PLD5: variants seen among roughly 807,000 people sequenced by gnomAD.
PLD5 encodes phospholipase D family member 5.
PLD5 carries 36 observed loss-of-function variants against 61.1 expected under a neutral mutation model. The ratio of observed to expected loss-of-function variants is 0.59; its 90% CI spans 0.45 to 0.78. PLD5 has a LOEUF of 0.78. PLD5 is among the 30% of genes least tolerant of loss of function. The pLI is 0.00. For synonymous variants in PLD5, 243 were observed against 242.8 expected, an observed-to-expected ratio of 1.00 and a Z score of -0.01; for missense variants, 515 against 644.4, an observed-to-expected ratio of 0.80 and a Z score of 2.17.
rs753674875 is a variant in PLD5, at chr1:242,268,231, G to A, written c.496-2783C>T. Among the ~76,000 whole-genome samples, 8 of 152,172 alleles carry A rather than the reference G, an allele frequency of 5.3e-5. No homozygotes were observed. In the South Asian group the frequency reaches 6.2e-4, roughly 12 times the overall value. ...GATGTGTGCATGGCCCAGATTTCCCGAACCTAAACTCGTGGTCATCTCACG... is the reference window on the plus strand; with the variant it reads ...GATGTGTGCATGGCCCAGATTTCCCAAACCTAAACTCGTGGTCATCTCACG... On this transcript the variant is annotated intron_variant, in intron 3 of 9. Coordinates refer to ENST00000536534, the MANE Select transcript of PLD5 (RefSeq NM_001372062.1).
rs775418227 is a variant in PLD5, at chr1:242,348,123, A to T, written c.309T>A (p.Asn103Lys). Residue 103 changes from asparagine to lysine, a missense_variant, in exon 2 of 10, where the codon AAT becomes AAA. This residue lies in a region of PLD5 where 450 missense variants were observed against 598.1 expected (regional missense o/e 0.75). Coordinates refer to ENST00000536534, the MANE Select transcript of PLD5 (RefSeq NM_001372062.1). ...CCTCTTACCGACATTTATTTTGGCA[A>T]TTTTTTTCTGAGAGTCCATCCTCAT... ...GEDEDGLSEKNCQNKCRIALV... is the reference protein window; with the variant it reads ...GEDEDGLSEKKCQNKCRIALV... The T allele has an allele frequency of 6.2e-7, 1 of 1,612,866 alleles. No individual in the cohort carries two copies. The highest frequency in any genetic ancestry group is 1.1e-5 in the South Asian group (1 of 90,834).
Position 242,105,235 on chromosome 1 carries a change from T to TC in PLD5, c.1239+2435dup, listed in dbSNP as rs397758430. 4.0e-5 allele frequency among the ~76,000 whole-genome samples: 6 copies of TC among 151,558 alleles called. No homozygotes were observed. In the South Asian group the frequency reaches 1.3e-3, roughly 32 times the overall value. ...TACTGTGTGTTGGTTTTTTTTTTTT[T>TC]CCTTCAGAGACAGGGTCTTGCTCTG... On this transcript the variant is annotated intron_variant, in intron 8 of 9. Transcript: ENST00000536534.
intron 5 of PLD5, chr1:242,178,048 C>T (rs1286727452): frequency 1.3e-5 from 2 of 152,204 alleles, no homozygotes; most frequent in Admixed American, 6.5e-5. Context: ...GATAAAATGG[C>T]TTAATTGATA....
At chr1:242,194,451 G>A (rs186406352) in intron 5 of PLD5, among the ~76,000 whole-genome samples, 67 of 152,196 alleles carry the variant, frequency 4.4e-4, no homozygotes, top group South Asian at 3.3e-3. Context: ...GTCACTGTAC[G>A]AAAAAGATAC....
rs373972481 is a variant in PLD5 at position 242,093,340 on chromosome 1, CA to C, written c.1355-3231del. Among the ~76,000 whole-genome samples the C allele has an allele frequency of 2.0e-5, 3 of 152,284 alleles. No individual in the cohort carries two copies. In the East Asian group the frequency reaches 5.8e-4, roughly 29 times the overall value. On this transcript the variant is annotated intron_variant, in intron 9 of 9. Transcript: ENST00000536534. ...CAGTATCTTCTATTCATTCCGTAAG[CA>C]AAAGGCTCCTGTGGTCTTGCATGCC...
intron 1 of PLD5, among the ~76,000 whole-genome samples, chr1:242,383,617 A>C (rs1662429417): frequency 6.6e-6 from 1 of 151,982 alleles, no homozygotes; most frequent in South Asian, 2.1e-4. Context: ...TGGCTGTGTC[A>C]GTTTTTATAA....
chr1:242,409,221 A>C (rs1192191482), intron 1 of PLD5, among the ~76,000 whole-genome samples: 1 of 152,146 alleles, frequency 6.6e-6, no homozygotes, highest in African/African-American at 2.4e-5. Context: ...CTGTTTCTTC[A>C]TCTTTTAAAA....
At chr1:242,305,195 A>G (rs1676278522) in intron 2 of PLD5, among the ~76,000 whole-genome samples, 1 of 152,220 alleles carries the variant, frequency 6.6e-6, no homozygotes, top group African/African-American at 2.4e-5. Context: ...AAATCATTAC[A>G]TGCATAGGTT....
intron 4 of PLD5, among the ~76,000 whole-genome samples, chr1:242,253,827 C>CA (rs998904075): frequency 2.6e-5 from 4 of 152,090 alleles, no homozygotes; most frequent in Non-Finnish European, 4.4e-5. Flanking sequence ...TGTTTTAGAG[C>CA]AAATGTTTAG....
chr1:242,166,378 C>G (rs928518373), intron 5 of PLD5, among the ~76,000 whole-genome samples: 1 of 152,346 alleles, frequency 6.6e-6, no homozygotes, highest in Non-Finnish European at 1.5e-5. Flanking sequence ...CTGTTTAGGA[C>G]AGGGTGGCTA....
intron 6 of PLD5, among the ~76,000 whole-genome samples, chr1:242,120,786 C>T (rs144250143): frequency 5.4e-4 from 82 of 152,316 alleles, no homozygotes; most frequent in African/African-American, 1.9e-3. Context: ...AAGACAGAAA[C>T]AGCCAACTAT....
In PLD5 at chr1:242,516,435, A is replaced by AT. The variant is rs1437473611; in HGVS notation, c.189+7652dup. Among the ~76,000 whole-genome samples the AT allele has an allele frequency of 3.9e-5, 6 of 151,984 alleles. No individual in the cohort carries two copies. The South Asian group carries it at 1.0e-3, about 26-fold the overall frequency. On this transcript the variant is annotated intron_variant, in intron 1 of 9. Coordinates refer to ENST00000536534, the MANE Select transcript of PLD5 (RefSeq NM_001372062.1). The stretch of plus-strand genomic sequence containing the variant: ...TTTTCCTTAGTCAAGTTGATGAAGA[A>AT]TTTTTTTATTACATTTGTTCTAGAA...
chr1:242,274,832 G>A (rs1372492497), intron 3 of PLD5, among the ~76,000 whole-genome samples: 1 of 152,110 alleles, frequency 6.6e-6, no homozygotes, highest in Non-Finnish European at 1.5e-5. Context: ...GCTCAAAGCA[G>A]CACAATAAAG....
intron 2 of PLD5, among the ~76,000 whole-genome samples, chr1:242,341,360 A>AT (rs563031712): frequency 4.6e-4 from 70 of 152,352 alleles, no homozygotes; most frequent in African/African-American, 1.6e-3. Flanking sequence ...AATGTCATAT[A>AT]TTGATGAACC....
chr1:242,161,468 GA>G (rs5782218), intron 5 of PLD5, among the ~76,000 whole-genome samples: 126,435 of 151,350 alleles, frequency 0.84, 53,171 homozygotes, highest in African/African-American at 0.94. Context: ...TGTGGGAACA[GA>G]AAAAAAAAAT....
intron 1 of PLD5, among the ~76,000 whole-genome samples, chr1:242,419,030 T>C (rs756925121): frequency 3.3e-5 from 5 of 152,140 alleles, no homozygotes; most frequent in Non-Finnish European, 5.9e-5. Context: ...ACAGAGACAT[T>C]GGGTCAAGTA....
chr1:242,430,890 C>T (rs891231037), intron 1 of PLD5, among the ~76,000 whole-genome samples: 3 of 152,134 alleles, frequency 2.0e-5, no homozygotes, highest in African/African-American at 7.2e-5. Flanking sequence ...CCATGCCCCA[C>T]GCCTGTCCTG....
chr1:242,522,165 T>C (rs1226273226), intron 1 of PLD5, among the ~76,000 whole-genome samples: 1 of 152,184 alleles, frequency 6.6e-6, no homozygotes, highest in Non-Finnish European at 1.5e-5. Flanking sequence ...TAAATGTAGT[T>C]GAAAAAGTAA....
chr1:242,452,909 G>T (rs770054766), intron 1 of PLD5, among the ~76,000 whole-genome samples: 9 of 151,940 alleles, frequency 5.9e-5, no homozygotes, highest in Non-Finnish European at 1.3e-4. Context: ...AAAAATCCAG[G>T]TACAACAGTG....
Sources: gnomAD v4.1 joint callset for allele counts (sites outside exome capture counted in the v4.1 genomes callset) on GRCh38, gnomAD v4.1.1 for gene constraint, gnomAD v4.1.1 regional missense constraint, MANE v1.5 for transcripts, NCBI Gene and HGNC (gene_info 2026-07-23, HGNC 2026-07-21) for gene names.